Variants in NYAP2 observed in about 807,000 individuals in gnomAD.
NYAP2 encodes the protein neuronal tyrosine-phosphorylated phosphoinositide-3-kinase adapter 2.
Under a neutral mutation model 50.4 loss-of-function variants are expected in NYAP2, and 23 were observed. The ratio of observed to expected loss-of-function variants is 0.46; its 90% CI spans 0.33 to 0.65. The LOEUF is 0.65. Ranked by LOEUF, NYAP2 falls within the 30% of genes least tolerant of loss-of-function variation. NYAP2 has a pLI of 0.02. For missense variants in NYAP2, 885 were observed against 861.0 expected (o/e 1.03, Z -0.35); for synonymous variants, 394 against 365.2 (o/e 1.08, Z -0.90).
At chr2:225,417,323 T>C (rs1195161253) in intron 3 of NYAP2, among the ~76,000 whole-genome samples, 1 of 152,178 alleles carries the variant, frequency 6.6e-6, no homozygotes, top group Non-Finnish European at 1.5e-5. Context: ...ATTATACATG[T>C]GTGGGTTACC....
intron 3 of NYAP2, among the ~76,000 whole-genome samples, chr2:225,464,839 A>G (rs1271856776): frequency 6.6e-6 from 1 of 152,200 alleles, no homozygotes; most frequent in Non-Finnish European, 1.5e-5. Flanking sequence ...CTGAGCAGGT[A>G]CCAGTAGTCA....
chr2:225,564,114 T>G (rs1006175024), intron 4 of NYAP2, among the ~76,000 whole-genome samples: 3 of 151,954 alleles, frequency 2.0e-5, no homozygotes, highest in Non-Finnish European at 2.9e-5. Context: ...TAAATAATAA[T>G]AAATTCACAA....
Position 225,626,926 on chromosome 2 carries a change from A to C in NYAP2, c.1628A>C (p.Glu543Ala), listed in dbSNP as rs761205121. The C allele has an allele frequency of 3.2e-6, 5 of 1,572,576 alleles. No individual in the cohort carries two copies. In the East Asian group the frequency reaches 1.2e-4, roughly 37 times the overall value. ...TCTGGTTACTACACAGAATCAACAG[A>C]GGAACTGAAAGTCCGAAGCCACAGC... Residue 543 changes from glutamate to alanine, a missense_variant, in exon 6 of 7, where the codon GAG (glutamate) becomes GCG (alanine). Glu to Ala is a moderately radical substitution (Grantham distance 107). Transcript: ENST00000636099.
At chr2:225,620,477 A>G (rs1693079203) in intron 5 of NYAP2, among the ~76,000 whole-genome samples, 4 of 149,386 alleles carry the variant, frequency 2.7e-5, no homozygotes, top group East Asian at 1.9e-4. Context: ...GCACACGCAC[A>G]CGCACGCACG....
At chr2:225,575,597 T>C (rs558234707) in intron 4 of NYAP2, among the ~76,000 whole-genome samples, 7 of 152,352 alleles carry the variant, frequency 4.6e-5, no homozygotes, top group African/African-American at 9.6e-5. Flanking sequence ...CTTTTCCTCA[T>C]GGATAGCTTG....
intron 3 of NYAP2, among the ~76,000 whole-genome samples, chr2:225,460,990 C>A (rs541497592): frequency 8.2e-5 from 7 of 85,872 alleles, no homozygotes; most frequent in Admixed American, 3.1e-4. Flanking sequence ...GAGACTCTGT[C>A]TCAAAAAAAA....
chr2:225,703,160 T>C, the NYAP2 span: 2 of 151,752 alleles, frequency 1.3e-5, no homozygotes, highest in Non-Finnish European at 3.0e-5. Context: ...TCTTGCTCTT[T>C]CAGACAATTG....
chr2:225,433,244 C>T (rs1689298099), intron 3 of NYAP2, among the ~76,000 whole-genome samples: 1 of 151,848 alleles, frequency 6.6e-6, no homozygotes, highest in Non-Finnish European at 1.5e-5. Flanking sequence ...CCAGCTTACT[C>T]AGGAGGCTAA....
intron 3 of NYAP2, among the ~76,000 whole-genome samples, chr2:225,411,631 C>T (rs1695041937): frequency 6.6e-6 from 1 of 151,506 alleles, no homozygotes; most frequent in African/African-American, 2.4e-5. Flanking sequence ...CCAGGGTTGC[C>T]CCCTGGAGGC....
At chr2:225,675,593 A>T in the NYAP2 span, among the ~76,000 whole-genome samples, 1 of 152,144 alleles carries the variant, frequency 6.6e-6, no homozygotes, top group Non-Finnish European at 1.5e-5. Context: ...TATTGTGAAC[A>T]GTGCTCCAAT....
At chr2:225,543,111 T>G (rs1336547143) in intron 4 of NYAP2, among the ~76,000 whole-genome samples, 1 of 152,062 alleles carries the variant, frequency 6.6e-6, no homozygotes, top group Non-Finnish European at 1.5e-5. Flanking sequence ...TTGTAATATC[T>G]TCTTTATCAT....
At position 225,582,656 on chromosome 2, in the gene NYAP2, G is replaced by T. The variant is rs751729250; in HGVS notation, c.1239G>T (p.Ser413=). 1 of 1,593,676 alleles carries T rather than the reference G, an allele frequency of 6.3e-7. No individual in the cohort carries two copies. The highest frequency in any genetic ancestry group is 8.5e-7 in the Non-Finnish European group (1 of 1,170,116). The change falls in exon 5 of 7, where the codon TCG becomes TCT. Residue 413 remains serine, a synonymous_variant. Coordinates refer to ENST00000636099, the Ensembl canonical transcript of NYAP2. This position sits in a 1 kb window ranked among gnomAD's most constrained non-coding sequence, Gnocchi z 7.0. Reference sequence around the variant, plus strand: ...CTGCCACCCCTGCGCTCTCCTCGTCGCCCCCACCCCCGTCTACGCTGTACC... The same window carrying T: ...CTGCCACCCCTGCGCTCTCCTCGTCTCCCCCACCCCCGTCTACGCTGTACC...
intron 3 of NYAP2, among the ~76,000 whole-genome samples, chr2:225,456,040 G>A (rs2106150634): frequency 6.6e-6 from 1 of 152,246 alleles, no homozygotes; most frequent in East Asian, 1.9e-4. Flanking sequence ...CAGGCAGGTT[G>A]GTCTCCCAGT....
At chr2:225,419,116 G>A (rs371880862) in intron 3 of NYAP2, among the ~76,000 whole-genome samples, 1 of 152,104 alleles carries the variant, frequency 6.6e-6, no homozygotes, top group African/African-American at 2.4e-5. Context: ...TGCAGTCGGC[G>A]ATACTGATTC....
At chr2:225,554,237 G>T (rs1574675146) in intron 4 of NYAP2, among the ~76,000 whole-genome samples, 4 of 141,288 alleles carry the variant, frequency 2.8e-5, no homozygotes, top group African/African-American at 2.7e-5. Flanking sequence ...TTTCTCCTAT[G>T]GCCTTAGTAT....
the NYAP2 span, among the ~76,000 whole-genome samples, chr2:225,665,283 T>C: frequency 3.3e-5 from 5 of 152,152 alleles, no homozygotes; most frequent in Non-Finnish European, 7.4e-5. Context: ...GATTTAGCAC[T>C]TGTTACATGC....
chr2:225,674,391 T>A, the NYAP2 span, among the ~76,000 whole-genome samples: 1 of 152,098 alleles, frequency 6.6e-6, no homozygotes, highest in South Asian at 2.1e-4. Flanking sequence ...TTAACATCCC[T>A]TTATCTAGAA....
downstream of NYAP2, among the ~76,000 whole-genome samples, chr2:225,657,389 C>T (rs1038804083): frequency 1.3e-5 from 2 of 151,758 alleles, no homozygotes; most frequent in South Asian, 2.1e-4. Flanking sequence ...GGATTATAGG[C>T]GTGAGCCACT....
chr2:225,651,358 G>T, intron 6 of NYAP2, 74 bp from the exon 7 acceptor site: 1 of 1,586,782 alleles, frequency 6.3e-7, no homozygotes, highest in East Asian at 2.2e-5. Flanking sequence ...GAAACAAACA[G>T]AAAGACTGAA....
Sources: allele counts gnomAD v4.1 joint callset (sites outside exome capture counted in the v4.1 genomes callset), GRCh38; gene constraint gnomAD v4.1.1; non-coding constraint Gnocchi (gnomAD v3.1); transcripts MANE v1.5; gene names NCBI Gene and HGNC (gene_info 2026-07-23, HGNC 2026-07-21).